Variants in KMT2C observed in about 807,000 individuals in gnomAD.
The protein encoded by KMT2C is histone-lysine N-methyltransferase 2C.
A neutral mutation model predicts 507.9 loss-of-function variants in KMT2C; 88 were observed. The observed-to-expected ratio is 0.17, with a 90% CI of 0.15 to 0.21. KMT2C has a LOEUF of 0.21. Among genes scored for constraint, KMT2C ranks in the 10% least tolerant of loss-of-function variants. The pLI is 1.00. For missense variants in KMT2C, 4,954 were observed against 5,957.8 expected, an observed-to-expected ratio of 0.83 and a Z score of 5.55; for synonymous variants, 2,049 against 2,080.8, an observed-to-expected ratio of 0.98 and a Z score of 0.42.
In KMT2C at chr7:152,162,146, C is replaced by T. The variant is rs374827608; in HGVS notation, c.11431G>A (p.Val3811Ile). 51 of 1,576,240 alleles carry T rather than the reference C, an allele frequency of 3.2e-5. No individual in the cohort carries two copies. In the East Asian group the frequency reaches 7.2e-4, roughly 22 times the overall value. Residue 3811 changes from valine (V) to isoleucine (I), a missense_variant, in exon 43 of 59, where the codon GTT becomes ATT. Val to Ile is a conservative substitution (Grantham distance 29, BLOSUM62 3). Transcript: ENST00000262189. ...EDDCTKDNKL[V>I]EKQNPAEGLQ... is the part of the protein sequence containing the mutation. The stretch of plus-strand genomic sequence containing the variant: ...CCTTCAGCTGGGTTCTGCTTCTCAA[C>T]TAGTTTATTATCCTTTGTACAGTCA...
At chr7:152,429,005 G>A (rs1308663526) in intron 1 of KMT2C, among the ~76,000 whole-genome samples, 2 of 152,124 alleles carry the variant, frequency 1.3e-5, no homozygotes, top group African/African-American at 4.8e-5. Context: ...CACACAGTCA[G>A]AAGCCACCCC....
intron 22 of KMT2C, among the ~76,000 whole-genome samples, chr7:152,220,973 G>A (rs547983707): frequency 1.3e-5 from 2 of 152,128 alleles, no homozygotes; most frequent in Non-Finnish European, 2.9e-5. Flanking sequence ...GGTCTTCCTG[G>A]GCCAGGTGCA....
intron 1 of KMT2C, chr7:152,366,854 C>T (rs2097250462): frequency 3.4e-6 from 1 of 293,134 alleles, no homozygotes; most frequent in South Asian, 5.5e-5. Flanking sequence ...TTTACAACTT[C>T]CCGGCCTGCA....
chr7:152,225,785 C>T (rs2094911539), intron 18 of KMT2C, among the ~76,000 whole-genome samples: 1 of 151,972 alleles, frequency 6.6e-6, no homozygotes, highest in Non-Finnish European at 1.5e-5. Flanking sequence ...TAGGACTTCT[C>T]CCAGAAAAAA....
At position 152,259,127 on chromosome 7, in the gene KMT2C, C is replaced by CA. The variant is rs2095712343; in HGVS notation, c.1299+3888dup. 6.0e-5 allele frequency among the ~76,000 whole-genome samples: 9 copies of CA among 149,234 alleles called. No homozygotes were observed. In the South Asian group the frequency reaches 1.9e-3, roughly 31 times the overall value. On this transcript the variant is annotated intron_variant, in intron 9 of 58. Transcript: ENST00000262189. ...AATTTGTTTGAAAAAAAGAAAAAAA[C>CA]AAGTATATCGAGAAGAACTCTATTC... is the stretch of plus-strand genomic sequence containing the variant.
rs1193516016 is a variant in KMT2C, at chr7:152,248,521, C to A, written c.1913G>T (p.Cys638Phe). ...TTTATCTTCAATTTGATCTTCGCCACAAATATGCTTCACTTCAGAAGACAT... is the reference window on the plus strand; with the variant it reads ...TTTATCTTCAATTTGATCTTCGCCAAAAATATGCTTCACTTCAGAAGACAT... ...LKMSSEVKHI[C>F]GEDQIEDKME... The change falls in exon 14 of 59, where the codon TGT becomes TTT. Residue 638 changes from cysteine (C) to phenylalanine (F), a missense_variant. This residue lies in a region of KMT2C where 376 missense variants were observed against 352.4 expected (regional missense o/e 1.07). Coordinates refer to ENST00000262189, the MANE Select transcript of KMT2C (RefSeq NM_170606.3). The A allele has an allele frequency of 2.5e-6, 4 of 1,613,968 alleles. No individual in the cohort carries two copies. The highest frequency in any genetic ancestry group is 8.5e-7 in the Non-Finnish European group (1 of 1,179,928).
chr7:152,349,815 A>G (rs1357867058), intron 2 of KMT2C, among the ~76,000 whole-genome samples: 1 of 152,170 alleles, frequency 6.6e-6, no homozygotes, highest in Non-Finnish European at 1.5e-5. Flanking sequence ...ATGTAGGCTT[A>G]AAAAATTGTG....
chr7:152,224,756 G>C (rs942500329), intron 18 of KMT2C, 140 bp from the exon 19 acceptor site: 2 of 626,446 alleles, frequency 3.2e-6, no homozygotes, highest in African/African-American at 3.7e-5. Flanking sequence ...ACCTACGGAG[G>C]CCCAATACTG....
rs1459734809 is a variant in KMT2C, at chr7:152,135,652, A to G, written c.*1180T>C. ...GTTCTAATCAAAACTACTTTTGCTGAAGAAAAAATTCAGCCTCCATTTGGG... is the reference window on the plus strand; with the variant it reads ...GTTCTAATCAAAACTACTTTTGCTGGAGAAAAAATTCAGCCTCCATTTGGG... On this transcript the variant is annotated 3_prime_UTR_variant, in exon 59 of 59. Coordinates refer to ENST00000262189, the MANE Select transcript of KMT2C (RefSeq NM_170606.3). 1 of 226,986 alleles carries G rather than the reference A, an allele frequency of 4.4e-6. No individual in the cohort carries two copies. Among genetic ancestry groups the G allele is most frequent in the Non-Finnish European group, 8.8e-6 (1 of 114,070 alleles). The allele number at this position is 226,986 out of a possible 1,614,324, so 14.1% of individuals were successfully genotyped here. A position where few individuals can be genotyped will look rare whatever the true frequency, so the allele number is the denominator to read the frequency against.
At chr7:152,231,051 A>C (rs1206962634) in intron 16 of KMT2C, among the ~76,000 whole-genome samples, 2 of 152,166 alleles carry the variant, frequency 1.3e-5, no homozygotes, top group Non-Finnish European at 2.9e-5. Flanking sequence ...TCCTGACCGC[A>C]AATGATCCAC....
chr7:152,350,859 G>GT (rs2097105245), intron 2 of KMT2C, among the ~76,000 whole-genome samples: 1 of 152,022 alleles, frequency 6.6e-6, no homozygotes, highest in Non-Finnish European at 1.5e-5. Context: ...TGACACTTTT[G>GT]TAATAACACA....
At chr7:152,435,441 C>T (rs911871243) in intron 1 of KMT2C, among the ~76,000 whole-genome samples, 185 bp downstream of exon 1, 2 of 146,490 alleles carry the variant, frequency 1.4e-5, no homozygotes, top group Admixed American at 6.8e-5. Context: ...CGGGGGAGGC[C>T]GGGCGCGGGC....
intron 6 of KMT2C, among the ~76,000 whole-genome samples, chr7:152,308,382 A>T (rs923854246): frequency 1.3e-5 from 2 of 152,112 alleles, no homozygotes; most frequent in African/African-American, 4.8e-5. Flanking sequence ...TATACTTGTT[A>T]AAAACCAAAG....
In KMT2C at chr7:152,146,659, A is replaced by G. The variant is rs1180991030; in HGVS notation, c.13971T>C (p.Tyr4657=). ...GGCCAAACAGATCCTCTCCTTTTAA[A>G]TACGCTGGGAAAAGCTGGAGCATTT... is the stretch of plus-strand genomic sequence containing the variant. ...KSEMLQLFPA[Y]LKGEDLFGLT... The change falls in exon 53 of 59, where the codon TAT becomes TAC. Residue 4657 remains tyrosine, a synonymous_variant. Coordinates refer to ENST00000262189, the MANE Select transcript of KMT2C (RefSeq NM_170606.3). The G allele has an allele frequency of 6.2e-7, 1 of 1,614,150 alleles. No homozygotes were observed. Among genetic ancestry groups the G allele is most frequent in the East Asian group, 2.2e-5 (1 of 44,882 alleles).
chr7:152,178,825 GAACT>G (rs568906960), intron 37 of KMT2C, among the ~76,000 whole-genome samples: 142 of 152,246 alleles, frequency 9.3e-4, no homozygotes, highest in African/African-American at 3.2e-3. Flanking sequence ...ATATCTTAAA[GAACT>G]ATTTCCTTAT....
chr7:152,196,582 C>T (rs2093969475), intron 27 of KMT2C, among the ~76,000 whole-genome samples: 1 of 152,072 alleles, frequency 6.6e-6, no homozygotes. Context: ...CAGGCATTGC[C>T]CACTCAGTAA....
intron 1 of KMT2C, among the ~76,000 whole-genome samples, chr7:152,413,858 C>T (rs2097706103): frequency 3.0e-5 from 4 of 132,244 alleles, no homozygotes; most frequent in Admixed American, 2.3e-4. Flanking sequence ...GCACTCCAGT[C>T]CGGGTGACAA....
chr7:152,364,934 GAC>G (rs71198778), intron 1 of KMT2C, among the ~76,000 whole-genome samples: 2,446 of 137,720 alleles, frequency 0.018, 20 homozygotes, highest in African/African-American at 0.03. Flanking sequence ...GAAACAGACA[GAC>G]ACACACACAC....
At chr7:152,300,531 C>T (rs1220034673) in intron 6 of KMT2C, among the ~76,000 whole-genome samples, 1 of 152,198 alleles carries the variant, frequency 6.6e-6, no homozygotes, top group Non-Finnish European at 1.5e-5. Context: ...TCATGGAAGG[C>T]ACAGCACATA....
Sources: allele counts gnomAD v4.1 joint callset (sites outside exome capture counted in the v4.1 genomes callset), GRCh38; gene constraint gnomAD v4.1.1; regional missense constraint gnomAD v4.1.1; transcripts MANE v1.5; gene names NCBI Gene and HGNC (gene_info 2026-07-23, HGNC 2026-07-21).